The following ZNF385D variants were observed in gnomAD, a reference collection of about 807,000 sequenced individuals.
The protein encoded by ZNF385D is zinc finger protein 385D, also known as zinc finger protein 659.
In ZNF385D, 15 loss-of-function variants were observed where a neutral mutation model predicts 35.8. That is an observed-to-expected ratio of 0.42 (90% CI 0.28 to 0.64). The LOEUF (loss-of-function observed/expected upper bound fraction) is 0.64, where lower values mean the gene tolerates loss of function less well. ZNF385D is among the 30% of genes least tolerant of loss of function. ZNF385D has a pLI of 0.23. For missense variants in ZNF385D, 474 were observed against 494.6 expected (o/e 0.96, Z 0.39); for synonymous variants, 212 against 186.8 (o/e 1.13, Z -1.10).
chr3:22,162,961 G>A (rs1277823785), intron 3 of ZNF385D, among the ~76,000 whole-genome samples: 4 of 152,158 alleles, frequency 2.6e-5, no homozygotes, highest in Non-Finnish European at 4.4e-5. Context: ...TGAAGCGTAA[G>A]AAAAGCAGGA....
chr3:22,256,527 T>C (rs765495225), intron 2 of ZNF385D, among the ~76,000 whole-genome samples: 2 of 151,876 alleles, frequency 1.3e-5, no homozygotes, highest in Non-Finnish European at 2.9e-5. Context: ...GTATTTTCTT[T>C]GATTTGGAAT....
chr3:21,460,453 G>T (rs1293740840), intron 4 of ZNF385D, among the ~76,000 whole-genome samples: 1 of 152,154 alleles, frequency 6.6e-6, no homozygotes, highest in East Asian at 1.9e-4. Flanking sequence ...TATTCAGTAT[G>T]AACCTTTCAC....
Position 21,678,909 on chromosome 3 carries a change from G to A in ZNF385D, c.23-13881C>T, listed in dbSNP as rs573775501. ...ACAGTTTAATGTCCTCCTTATAAGC[G>A]AAGATAAGAAAACTACTTTTTAAAA... On this transcript the variant is annotated intron_variant, in intron 1 of 7. Coordinates refer to ENST00000281523, the MANE Select transcript of ZNF385D (RefSeq NM_024697.3). Among the ~76,000 whole-genome samples the A allele has an allele frequency of 3.9e-5, 6 of 152,082 alleles. No individual in the cohort carries two copies. The South Asian group carries it at 1.0e-3, about 26-fold the overall frequency.
intron 3 of ZNF385D, among the ~76,000 whole-genome samples, chr3:22,006,688 T>C (rs532747634): frequency 2.0e-5 from 3 of 152,094 alleles, no homozygotes; most frequent in African/African-American, 7.2e-5. Flanking sequence ...TTTTTGGCAA[T>C]ACAGCATATT....
chr3:21,508,969 C>CTTTT (rs200174782), intron 4 of ZNF385D, among the ~76,000 whole-genome samples: 2 of 142,402 alleles, frequency 1.4e-5, no homozygotes, highest in African/African-American at 2.6e-5. Context: ...CACCTGGGGG[C>CTTTT]TTTTTTTTTT....
intron 1 of ZNF385D, among the ~76,000 whole-genome samples, chr3:21,685,366 CAA>C (rs1559517654): frequency 6.6e-6 from 1 of 152,028 alleles, no homozygotes; most frequent in African/African-American, 2.4e-5. Flanking sequence ...TTAAGCTTAA[CAA>C]AGAGAAACAA....
At chr3:21,863,351 T>C (rs1697162365) in intron 3 of ZNF385D, among the ~76,000 whole-genome samples, 2 of 152,188 alleles carry the variant, frequency 1.3e-5, no homozygotes, top group African/African-American at 4.8e-5. Flanking sequence ...TAACTTGTAA[T>C]ATATTTTCTC....
chr3:21,887,545 A>G (rs1401114133), intron 3 of ZNF385D, among the ~76,000 whole-genome samples: 1 of 152,106 alleles, frequency 6.6e-6, no homozygotes, highest in East Asian at 1.9e-4. Context: ...TCAACTTCTG[A>G]GTATTAGGGA....
upstream of ZNF385D, among the ~76,000 whole-genome samples, chr3:21,755,587 G>C (rs573545796): frequency 6.6e-6 from 1 of 152,304 alleles, no homozygotes; most frequent in African/African-American, 2.4e-5. Context: ...AAGACTAAAT[G>C]AGGTGTTGTT....
At chr3:22,179,398 G>T (rs2125775948) in intron 2 of ZNF385D, among the ~76,000 whole-genome samples, 2 of 152,306 alleles carry the variant, frequency 1.3e-5, no homozygotes, top group African/African-American at 4.8e-5. Flanking sequence ...GTCTGTTATT[G>T]GTGTATAAGA....
intron 2 of ZNF385D, among the ~76,000 whole-genome samples, chr3:21,571,953 G>A (rs184133299): frequency 8.3e-4 from 127 of 152,110 alleles, no homozygotes; most frequent in Middle Eastern, 3.4e-3. Context: ...AAATTTCGCC[G>A]TCCATAGTTT....
At chr3:22,004,065 G>C (rs1025403236) in intron 3 of ZNF385D, among the ~76,000 whole-genome samples, 2 of 151,972 alleles carry the variant, frequency 1.3e-5, no homozygotes, top group Non-Finnish European at 2.9e-5. Context: ...ATAACCAATG[G>C]AACAGAATAT....
chr3:21,932,836 C>T (rs1430505603), intron 3 of ZNF385D, among the ~76,000 whole-genome samples: 2 of 152,076 alleles, frequency 1.3e-5, no homozygotes, highest in Non-Finnish European at 2.9e-5. Flanking sequence ...TGTTCGTTTT[C>T]ATAGCTATTT....
intron 2 of ZNF385D, among the ~76,000 whole-genome samples, chr3:21,642,996 G>A (rs1044230705): frequency 1.2e-4 from 18 of 152,014 alleles, no homozygotes; most frequent in African/African-American, 4.3e-4. Flanking sequence ...AATTTCTGAA[G>A]ACAGATGGCG....
intron 4 of ZNF385D, among the ~76,000 whole-genome samples, chr3:21,449,278 C>A (rs201641456): frequency 2.3e-4 from 33 of 142,018 alleles, no homozygotes; most frequent in East Asian, 2.1e-4. Flanking sequence ...TTTATAGCTA[C>A]AAAAAAAAAA....
At chr3:22,203,236 G>C (rs536449054) in intron 2 of ZNF385D, among the ~76,000 whole-genome samples, 12 of 152,082 alleles carry the variant, frequency 7.9e-5, no homozygotes, top group Non-Finnish European at 1.5e-4. Context: ...AGAGATGCGA[G>C]GCCCTCATTC....
intron 2 of ZNF385D, among the ~76,000 whole-genome samples, chr3:22,221,617 A>G (rs1176632320): frequency 1.3e-5 from 2 of 152,236 alleles, no homozygotes; most frequent in African/African-American, 4.8e-5. Context: ...TGAAAAATAC[A>G]TTTCTTTGTA....
At chr3:22,233,562 G>C (rs1039800609) in intron 2 of ZNF385D, among the ~76,000 whole-genome samples, 2 of 152,088 alleles carry the variant, frequency 1.3e-5, no homozygotes, top group Non-Finnish European at 2.9e-5. Flanking sequence ...ATTATTGCAT[G>C]CCATTTATAC....
chr3:22,154,416 A>G (rs1279384445), intron 3 of ZNF385D, among the ~76,000 whole-genome samples: 1 of 152,064 alleles, frequency 6.6e-6, no homozygotes, highest in East Asian at 1.9e-4. Context: ...ACATTTCTCA[A>G]CTCAGCTACA....
Sources: gnomAD v4.1 joint callset for allele counts (sites outside exome capture counted in the v4.1 genomes callset) on GRCh38, gnomAD v4.1.1 for gene constraint, MANE v1.5 for transcripts, NCBI Gene and HGNC (gene_info 2026-07-23, HGNC 2026-07-21) for gene names.